Variants in WDR89 observed in about 807,000 individuals in gnomAD.
The protein encoded by WDR89 is WD repeat domain 89, also known as WD repeat-containing protein 89.
A neutral mutation model predicts 29.1 loss-of-function variants in WDR89; 17 were observed. That is an observed-to-expected ratio of 0.58 (90% confidence interval 0.40 to 0.88). The LOEUF (loss-of-function observed/expected upper bound fraction) is 0.88. Among genes scored for constraint, WDR89 ranks in the 40% least tolerant of loss-of-function variants. The pLI is 0.00. For missense variants in WDR89, 396 were observed against 456.3 expected (o/e 0.87, Z 1.20); for synonymous variants, 138 against 157.8 (o/e 0.87, Z 0.94).
chr14:63,605,148 G>A (rs1320491556), intron 2 of WDR89, among the ~76,000 whole-genome samples: 1 of 144,768 alleles, frequency 6.9e-6, no homozygotes, highest in Non-Finnish European at 1.5e-5. Flanking sequence ...GACACGTGCT[G>A]TCTGTCTCTC....
chr14:63,611,310 T>C (rs1881972287), intron 2 of WDR89, among the ~76,000 whole-genome samples: 3 of 123,920 alleles, frequency 2.4e-5, no homozygotes, highest in African/African-American at 9.5e-5. Context: ...CACTCCAGCT[T>C]GGGCAACAGA....
intron 2 of WDR89, among the ~76,000 whole-genome samples, chr14:63,607,354 G>A (rs1414154345): frequency 1.3e-5 from 2 of 151,874 alleles, no homozygotes; most frequent in East Asian, 1.9e-4. Context: ...TAGTAGAGAC[G>A]GGGTTTCACC....
chr14:63,627,931 TTTTTGATTAAATTTCTCTAA>T (rs1248833554), intron 1 of WDR89, among the ~76,000 whole-genome samples: 2 of 152,108 alleles, frequency 1.3e-5, no homozygotes, highest in African/African-American at 4.8e-5. Context: ...TTTAGTAACT[TTTTTGATTAAATTTCTCTAA>T]TAGGCTGAGC....
At chr14:63,631,059 C>A (rs1320049191) in intron 1 of WDR89, among the ~76,000 whole-genome samples, 1 of 152,136 alleles carries the variant, frequency 6.6e-6, no homozygotes, top group Non-Finnish European at 1.5e-5. Context: ...ACCACTGGGC[C>A]CAGCCTGTAC....
chr14:63,613,111 G>C (rs939856110), intron 2 of WDR89, among the ~76,000 whole-genome samples: 1 of 152,126 alleles, frequency 6.6e-6, no homozygotes, highest in African/African-American at 2.4e-5. Flanking sequence ...GCTCGATGGA[G>C]AAGACTCCTT....
chr14:63,621,334 C>G (rs1206755853), intron 2 of WDR89, among the ~76,000 whole-genome samples: 1 of 152,102 alleles, frequency 6.6e-6, no homozygotes, highest in African/African-American at 2.4e-5. Flanking sequence ...CTGGCTACAA[C>G]CTCTGCCTTT....
intron 1 of WDR89, among the ~76,000 whole-genome samples, chr14:63,635,904 A>T (rs77980150): frequency 0.038 from 5,821 of 152,294 alleles, 142 homozygotes; most frequent in South Asian, 0.083. Flanking sequence ...ACAAACAAAC[A>T]AAACTTAGGA....
At chr14:63,627,464 AC>A (rs1883145884) in intron 1 of WDR89, among the ~76,000 whole-genome samples, 1 of 152,172 alleles carries the variant, frequency 6.6e-6, no homozygotes. Context: ...CTTAGGGTTC[AC>A]TTTTTGTTTT....
chr14:63,616,060 T>A (rs370282657), intron 2 of WDR89, among the ~76,000 whole-genome samples: 1 of 151,996 alleles, frequency 6.6e-6, no homozygotes, highest in African/African-American at 2.4e-5. Flanking sequence ...TTAGGCAACA[T>A]GGCTAAACTC....
chr14:63,633,640 T>C (rs1348249939), intron 1 of WDR89, among the ~76,000 whole-genome samples: 1 of 152,312 alleles, frequency 6.6e-6, no homozygotes, highest in South Asian at 2.1e-4. Context: ...TTGTATAATA[T>C]TCATGTAAAG....
intron 1 of WDR89, chr14:63,641,315 G>A (rs774746307): frequency 5.9e-5 from 9 of 152,212 alleles, no homozygotes; most frequent in Non-Finnish European, 1.2e-4. Context: ...AGATAGCCAT[G>A]TGGTTTAAAT....
At chr14:63,613,878 T>C (rs1247771246) in intron 2 of WDR89, among the ~76,000 whole-genome samples, 2 of 150,636 alleles carry the variant, frequency 1.3e-5, no homozygotes, top group African/African-American at 4.9e-5. Flanking sequence ...TGAACTCCTG[T>C]ATGTAAGCAA....
At chr14:63,633,761 A>C (rs1462071381) in intron 1 of WDR89, among the ~76,000 whole-genome samples, 1 of 152,240 alleles carries the variant, frequency 6.6e-6, no homozygotes, top group Non-Finnish European at 1.5e-5. Flanking sequence ...AAAGACCCTG[A>C]TATCAGAGAA....
intron 1 of WDR89, among the ~76,000 whole-genome samples, chr14:63,638,577 G>C (rs914392041): frequency 3.3e-5 from 5 of 152,130 alleles, no homozygotes; most frequent in Admixed American, 6.5e-5. Flanking sequence ...TATAAGATTA[G>C]AATTCAAAGA....
At chr14:63,608,217 A>AAAAC (rs761627664) in intron 2 of WDR89, among the ~76,000 whole-genome samples, 5 of 152,222 alleles carry the variant, frequency 3.3e-5, no homozygotes, top group East Asian at 3.9e-4. Flanking sequence ...AAAACAAAAC[A>AAAAC]AAACAAACAA....
In WDR89 at chr14:63,597,891, G is replaced by C. The variant is rs1028611111; in HGVS notation, c.*888C>G. The C allele has an allele frequency of 6.6e-6, 1 of 152,128 alleles. No homozygotes were observed. The highest frequency in any genetic ancestry group is 2.4e-5 in the African/African-American group (1 of 41,412). 9.4% of individuals were successfully genotyped at this position (152,128 alleles called of 1,614,324 possible). Reference sequence around the variant, plus strand: ...GATGAACTGAAGCAGATTAGAGATCGAGCTGGTAATCCAGATGAGAAATAA... The same window carrying C: ...GATGAACTGAAGCAGATTAGAGATCCAGCTGGTAATCCAGATGAGAAATAA... On this transcript the variant is annotated 3_prime_UTR_variant, in exon 3 of 3. Coordinates refer to ENST00000620954, the MANE Select transcript of WDR89 (RefSeq NM_080666.4).
At position 63,599,017 on chromosome 14, in the gene WDR89, C is replaced by A; in HGVS notation, c.926G>T (p.Gly309Val). 6.2e-7 allele frequency: 1 copy of A among 1,614,224 alleles called. No homozygotes were observed. Residue 309 changes from glycine (G) to valine (V), a missense_variant, in exon 3 of 3, where the codon GGA becomes GTA. Coordinates refer to ENST00000620954, the MANE Select transcript of WDR89 (RefSeq NM_080666.4). ...RIHLMNCSMS[G>V]LTHVTSLQGG... ...CTGAAGGCTAGTCACATGGGTCAGT[C>A]CTGACATGCTGCAGTTCATCAAATG... is the stretch of plus-strand genomic sequence containing the variant.
intron 2 of WDR89, among the ~76,000 whole-genome samples, chr14:63,617,130 G>A (rs1219871052): frequency 6.8e-6 from 1 of 146,104 alleles, no homozygotes; most frequent in Non-Finnish European, 1.5e-5. Context: ...GCCCAGGCTG[G>A]AGCACAATGG....
intron 2 of WDR89, chr14:63,601,774 T>C: frequency 7.9e-7 from 1 of 1,267,406 alleles, no homozygotes; most frequent in Non-Finnish European, 1.1e-6. Flanking sequence ...GATTATTTCC[T>C]ATTTAGAGAT....
Sources: gnomAD v4.1 joint callset for allele counts (sites outside exome capture counted in the v4.1 genomes callset) on GRCh38, gnomAD v4.1.1 for gene constraint, MANE v1.5 for transcripts, NCBI Gene and HGNC (gene_info 2026-07-23, HGNC 2026-07-21) for gene names.